The following TBL1X variants were observed in gnomAD, a reference collection of about 807,000 sequenced individuals.
The protein encoded by TBL1X is F-box-like/WD repeat-containing protein TBL1X.
A neutral mutation model predicts 50.7 loss-of-function variants in TBL1X; 10 were observed. The observed-to-expected ratio is 0.20, with a 90% CI of 0.12 to 0.33. The LOEUF (loss-of-function observed/expected upper bound fraction) is 0.33. Among genes scored for constraint, TBL1X ranks in the 10% least tolerant of loss-of-function variants. The pLI is 1.00. For missense variants in TBL1X, 340 were observed against 504.4 expected (o/e 0.67, Z 3.12); for synonymous variants, 190 against 214.7 (o/e 0.88, Z 1.01).
In TBL1X at chrX:9,718,222, CA is replaced by C; in HGVS notation, c.*1980del. The C allele has an allele frequency of 8.8e-6, 1 of 113,116 alleles. No individual in the cohort carries two copies. The highest frequency in any genetic ancestry group is 1.9e-5 in the Non-Finnish European group (1 of 53,373). 9.3% of individuals were successfully genotyped at this position (113,116 alleles called of 1,213,427 possible). A position where few individuals can be genotyped will look rare whatever the true frequency, so the allele number is the denominator to read the frequency against. On this transcript the variant is annotated 3_prime_UTR_variant, in exon 18 of 18. Coordinates refer to ENST00000645353, the MANE Select transcript of TBL1X (RefSeq NM_005647.4). Reference sequence around the variant, plus strand: ...TGAAGGTGGCATTCATCTGCGGAGCCAAAACCCAGCCATCGGGGAAGGGTCA... The same window carrying C: ...TGAAGGTGGCATTCATCTGCGGAGCCAAACCCAGCCATCGGGGAAGGGTCA...
intron 2 of TBL1X, among the ~76,000 whole-genome samples, chrX:9,603,337 A>C (rs1362264127): frequency 8.9e-6 from 1 of 112,470 alleles, no homozygotes; most frequent in Non-Finnish European, 1.9e-5. Flanking sequence ...TAGTGATGTC[A>C]CACACAATAA....
chrX:9,711,790 C>T lies in TBL1X; in HGVS notation c.1605+14C>T. On this transcript the variant is annotated intron_variant, in intron 16 of 17. Coordinates refer to ENST00000645353, the MANE Select transcript of TBL1X (RefSeq NM_005647.4). ...TGGAATACTCAGGTAAGCTCCCGAC[C>T]CCTACACCAAATCCTTTTAGTAAGG... The T allele has an allele frequency of 1.7e-6, 2 of 1,172,828 alleles. No individual in the cohort carries two copies. The highest frequency in any genetic ancestry group is 2.3e-6 in the Non-Finnish European group (2 of 873,808).
chrX:9,506,527 A>G (rs1433300308), intron 2 of TBL1X, among the ~76,000 whole-genome samples: 2 of 111,749 alleles, frequency 1.8e-5, no homozygotes, highest in African/African-American at 6.5e-5. Flanking sequence ...TTTTTTGAAA[A>G]AATTAACAAA....
At chrX:9,675,985 T>A (rs1372904750) in intron 5 of TBL1X, among the ~76,000 whole-genome samples, 1 of 111,771 alleles carries the variant, frequency 8.9e-6, no homozygotes, top group African/African-American at 3.3e-5. Context: ...TTGTGTTGAT[T>A]GTTTAACAAT....
chrX:9,555,827 C>T (rs1041585514), intron 2 of TBL1X, among the ~76,000 whole-genome samples: 2 of 111,434 alleles, frequency 1.8e-5, no homozygotes, highest in Non-Finnish European at 3.8e-5. Flanking sequence ...GGAGTCAGGC[C>T]CCTTTTTCAT....
intron 5 of TBL1X, among the ~76,000 whole-genome samples, chrX:9,680,578 C>G (rs2083019516): frequency 9.0e-6 from 1 of 111,380 alleles, no homozygotes; most frequent in African/African-American, 3.3e-5. Context: ...TCCATCCAGC[C>G]CTCCTGCTTG....
intron 2 of TBL1X, among the ~76,000 whole-genome samples, chrX:9,617,095 C>T (rs2082642930): frequency 8.9e-6 from 1 of 111,863 alleles, no homozygotes; most frequent in Admixed American, 9.5e-5. Flanking sequence ...ATAGTGTGAA[C>T]AGCTCCAAGG....
intron 16 of TBL1X, among the ~76,000 whole-genome samples, chrX:9,713,345 A>C (rs757981427): frequency 3.6e-5 from 4 of 110,911 alleles, no homozygotes; most frequent in Non-Finnish European, 7.5e-5. Context: ...TGACATGATC[A>C]GTTAGGTACA....
intron 2 of TBL1X, among the ~76,000 whole-genome samples, chrX:9,504,985 C>T (rs187889927): frequency 4.9e-4 from 55 of 111,226 alleles, no homozygotes; most frequent in South Asian, 3.0e-3. Flanking sequence ...CTCTATGAGA[C>T]GATCAACCCC....
chrX:9,467,907 G>T (rs1213152104), intron 1 of TBL1X, among the ~76,000 whole-genome samples: 1 of 112,385 alleles, frequency 8.9e-6, no homozygotes, highest in Non-Finnish European at 1.9e-5. Context: ...GAGAAAGACA[G>T]CCGTTAAGGA....
chrX:9,612,557 G>C (rs1230331988), intron 2 of TBL1X, among the ~76,000 whole-genome samples: 1 of 111,457 alleles, frequency 9.0e-6, no homozygotes, highest in Non-Finnish European at 1.9e-5. Context: ...TTAACCCAAC[G>C]TATCCAAAAT....
chrX:9,574,721 C>T (rs933255033), intron 2 of TBL1X, among the ~76,000 whole-genome samples: 4 of 111,216 alleles, frequency 3.6e-5, no homozygotes, highest in Non-Finnish European at 7.5e-5. Context: ...CTCACTCCTG[C>T]CTCTGCTTCC....
At chrX:9,666,325 T>C (rs762501091) in intron 5 of TBL1X, among the ~76,000 whole-genome samples, 10 of 111,381 alleles carry the variant, frequency 9.0e-5, no homozygotes, top group Admixed American at 1.9e-4. Context: ...AAAAATCATA[T>C]AACTACCGGA....
At chrX:9,595,956 G>A (rs1243133852) in intron 2 of TBL1X, among the ~76,000 whole-genome samples, 1 of 112,281 alleles carries the variant, frequency 8.9e-6, no homozygotes, top group Non-Finnish European at 1.9e-5. Flanking sequence ...AATTGTTTCC[G>A]CAAAGGCATT....
At chrX:9,475,094 G>A (rs190589727) in intron 1 of TBL1X, among the ~76,000 whole-genome samples, 45 of 111,768 alleles carry the variant, frequency 4.0e-4, no homozygotes, top group Non-Finnish European at 4.3e-4. Context: ...GGCTGGTCTC[G>A]AACTCCTGAC....
chrX:9,528,767 A>G (rs930257622), intron 2 of TBL1X, among the ~76,000 whole-genome samples: 19 of 109,187 alleles, frequency 1.7e-4, no homozygotes, highest in Admixed American at 4.8e-4. Context: ...GCGGGGTCAC[A>G]GAGTCTTTAG....
intron 1 of TBL1X, among the ~76,000 whole-genome samples, chrX:9,468,747 A>ATG (rs1358485079): frequency 9.0e-6 from 1 of 110,757 alleles, no homozygotes; most frequent in Non-Finnish European, 1.9e-5. Context: ...ATATATATAT[A>ATG]TGTAATTATA....
intron 2 of TBL1X, among the ~76,000 whole-genome samples, chrX:9,583,924 GA>G (rs2082454961): frequency 9.0e-6 from 1 of 111,490 alleles, no homozygotes; most frequent in Non-Finnish European, 1.9e-5. Context: ...CAGGCCATGA[GA>G]AAAATGAAAA....
Position 9,688,122 on chromosome X carries a change from G to T in TBL1X, c.463G>T (p.Ala155Ser), listed in dbSNP as rs779139555. ...GCAGCAGGCATTCCGAGAGAAGCTCGCTCAGCAGCAAGCCAGTGCGGCGGC... is the reference window on the plus strand; with the variant it reads ...GCAGCAGGCATTCCGAGAGAAGCTCTCTCAGCAGCAAGCCAGTGCGGCGGC... ...TRQQAFREKL[A>S]QQQASAAAAA... Residue 155 changes from alanine to serine, a missense_variant, in exon 7 of 18, where the codon GCT becomes TCT. This residue lies in a region of TBL1X where 99 missense variants were observed against 93.3 expected (regional missense o/e 1.06). Coordinates refer to ENST00000645353, the MANE Select transcript of TBL1X (RefSeq NM_005647.4). 1.7e-6 allele frequency: 2 copies of T among 1,208,847 alleles called. No individual in the cohort carries two copies. The highest frequency in any genetic ancestry group is 5.9e-5 in the East Asian group (2 of 33,632).
Sources: gnomAD v4.1 joint callset for allele counts (sites outside exome capture counted in the v4.1 genomes callset) on GRCh38, gnomAD v4.1.1 for gene constraint, gnomAD v4.1.1 regional missense constraint, MANE v1.5 for transcripts, NCBI Gene and HGNC (gene_info 2026-07-23, HGNC 2026-07-21) for gene names.